The following AGAP1 variants were observed in gnomAD, a reference collection of about 807,000 sequenced individuals.
AGAP1 encodes the protein arf-GAP with GTPase, ANK repeat and PH domain-containing protein 1.
A neutral mutation model predicts 105.3 loss-of-function variants in AGAP1; 29 were observed. The observed-to-expected ratio is 0.28, with a 90% confidence interval of 0.21 to 0.38. The LOEUF (loss-of-function observed/expected upper bound fraction) is 0.38, where lower values mean the gene tolerates loss of function less well. Ranked by LOEUF, AGAP1 falls within the 10% of genes least tolerant of loss-of-function variation. AGAP1 has a pLI of 1.00. For synonymous variants in AGAP1, 509 were observed against 485.9 expected (o/e 1.05, Z -0.63); for missense variants, 998 against 1,165.1 (o/e 0.86, Z 2.09).
At chr2:235,634,412 C>G (rs2149293402) in intron 1 of AGAP1, among the ~76,000 whole-genome samples, 1 of 152,256 alleles carries the variant, frequency 6.6e-6, no homozygotes, top group Middle Eastern at 3.4e-3. Flanking sequence ...CGGAAGGTTC[C>G]CAAGGGCATC....
rs1466378897 is a variant in AGAP1, at chr2:235,927,807, A to G, written c.1325-2958A>G. Among the ~76,000 whole-genome samples the G allele has an allele frequency of 1.3e-5, 2 of 152,194 alleles. No individual in the cohort carries two copies. The highest frequency in any genetic ancestry group is 2.1e-4 in the South Asian group (1 of 4,826). ...GAAGGAGCAAGAGAAGCGGTGCTCT[A>G]TTGAGTGCCATGTTGTCATCGTTGT... On this transcript the variant is annotated intron_variant, in intron 11 of 17. Transcript: ENST00000304032. The surrounding 1 kb of genome is among the most constrained non-coding windows in gnomAD (Gnocchi z 4.4).
At position 235,872,550 on chromosome 2, in the gene AGAP1, GGCCTCT is replaced by G. The variant is rs1182315947; in HGVS notation, c.1051-10793_1051-10788del. ...CTGAGCATCTCAGGCAGAGCCTTCC[GGCCTCT>G]GTCATCTTCTGGCCAGTAGGATCAC... On this transcript the variant is annotated intron_variant, in intron 9 of 17. Transcript: ENST00000304032. This position sits in a 1 kb window ranked among gnomAD's most constrained non-coding sequence, Gnocchi z 4.5. Among the ~76,000 whole-genome samples, 1 of 152,136 alleles carries G rather than the reference GGCCTCT, an allele frequency of 6.6e-6. No individual in the cohort carries two copies. Among genetic ancestry groups the G allele is most frequent in the Admixed American group, 6.5e-5 (1 of 15,272 alleles).
chr2:235,498,779 C>A (rs1421566862), intron 1 of AGAP1, among the ~76,000 whole-genome samples: 1 of 152,162 alleles, frequency 6.6e-6, no homozygotes, highest in Non-Finnish European at 1.5e-5. Flanking sequence ...AGGTTGAGCC[C>A]TCATCCAGCC....
chr2:235,862,343 C>T (rs866637839), intron 9 of AGAP1, among the ~76,000 whole-genome samples: 3 of 152,268 alleles, frequency 2.0e-5, no homozygotes, highest in Middle Eastern at 3.4e-3. Context: ...TCCTTGTCAT[C>T]GTCATCAAAG....
At chr2:235,503,725 G>T (rs1480037763) in intron 1 of AGAP1, among the ~76,000 whole-genome samples, 1 of 152,160 alleles carries the variant, frequency 6.6e-6, no homozygotes, top group African/African-American at 2.4e-5. Flanking sequence ...CCCCCGCCAA[G>T]TAGCTGGGAC....
chr2:235,982,399 G>A lies in AGAP1; in HGVS notation c.1645+13776G>A, dbSNP rs62189401. On this transcript the variant is annotated intron_variant, in intron 13 of 17. Coordinates refer to ENST00000304032, the MANE Select transcript of AGAP1 (RefSeq NM_001037131.3). The surrounding 1 kb of genome is among the most constrained non-coding windows in gnomAD (Gnocchi z 4.9). ...AAAATATTACTTTATTCTGCACACC[G>A]TGGGGACATCAGCTGGGAGGGTCAT... is the stretch of plus-strand genomic sequence containing the variant. 4.6e-5 allele frequency among the ~76,000 whole-genome samples: 7 copies of A among 152,142 alleles called. No homozygotes were observed. Among genetic ancestry groups the A allele is most frequent in the Non-Finnish European group, 8.8e-5 (6 of 68,024 alleles).
chr2:236,069,885 A>G (rs1399995875), intron 16 of AGAP1, among the ~76,000 whole-genome samples: 1 of 152,246 alleles, frequency 6.6e-6, no homozygotes, highest in Non-Finnish European at 1.5e-5. Context: ...ATTTTCTGCC[A>G]TTTTAAAAAT....
chr2:236,085,240 A>ATT (rs1436013271), intron 16 of AGAP1, among the ~76,000 whole-genome samples: 63 of 149,576 alleles, frequency 4.2e-4, no homozygotes, highest in South Asian at 3.8e-3. Flanking sequence ...AAAAAAAAAA[A>ATT]TTTTTATTTA....
Position 235,793,939 on chromosome 2 carries a change from G to A in AGAP1, c.674-3820G>A, listed in dbSNP as rs1261699228. Among the ~76,000 whole-genome samples, 2 of 152,060 alleles carry A rather than the reference G, an allele frequency of 1.3e-5. No homozygotes were observed. The highest frequency in any genetic ancestry group is 1.3e-4 in the Admixed American group (2 of 15,274). On this transcript the variant is annotated intron_variant, in intron 6 of 17. Transcript: ENST00000304032. The surrounding 1 kb of genome is among the most constrained non-coding windows in gnomAD (Gnocchi z 5.3). ...ATGTATACCTCACTTTTTTTGTTAA[G>A]TTCTTAAACTTTTTTTTTATTATTG... is the stretch of plus-strand genomic sequence containing the variant.
chr2:235,615,501 C>T lies in AGAP1; in HGVS notation c.164-93678C>T, dbSNP rs923787111. Among the ~76,000 whole-genome samples, 5 of 152,206 alleles carry T rather than the reference C, an allele frequency of 3.3e-5. No homozygotes were observed. Among genetic ancestry groups the T allele is most frequent in the South Asian group, 2.1e-4 (1 of 4,816 alleles). Reference sequence around the variant, plus strand: ...TTATTAAATCTTGCCTAAATTTATCCGTAAGCATGGATCAAATGCACATTT... The same window carrying T: ...TTATTAAATCTTGCCTAAATTTATCTGTAAGCATGGATCAAATGCACATTT... On this transcript the variant is annotated intron_variant, in intron 1 of 17. Coordinates refer to ENST00000304032, the MANE Select transcript of AGAP1 (RefSeq NM_001037131.3). The surrounding 1 kb of genome is among the most constrained non-coding windows in gnomAD (Gnocchi z 5.0).
In AGAP1 at chr2:235,888,930, C is replaced by T. The variant is rs1460703870; in HGVS notation, c.1155+5481C>T. 6.6e-6 allele frequency among the ~76,000 whole-genome samples: 1 copy of T among 152,146 alleles called. No individual in the cohort carries two copies. The highest frequency in any genetic ancestry group is 1.5e-5 in the Non-Finnish European group (1 of 68,026). Reference sequence around the variant, plus strand: ...AAGCAGGAGACTGACCATTTCCTAACCTTGCCAAAAACTCTGGGTGAGGGT... The same window carrying T: ...AAGCAGGAGACTGACCATTTCCTAATCTTGCCAAAAACTCTGGGTGAGGGT... On this transcript the variant is annotated intron_variant, in intron 10 of 17. Transcript: ENST00000304032. The surrounding 1 kb of genome is among the most constrained non-coding windows in gnomAD (Gnocchi z 4.8).
At chr2:235,693,780 G>C (rs1056573483) in intron 1 of AGAP1, among the ~76,000 whole-genome samples, 3 of 152,196 alleles carry the variant, frequency 2.0e-5, no homozygotes, top group African/African-American at 4.8e-5. Context: ...GAATAGATTT[G>C]AATTAGCTTT....
chr2:235,559,274 C>T lies in AGAP1; in HGVS notation c.163+64425C>T, dbSNP rs749879526. Reference sequence around the variant, plus strand: ...TGCCAGCTTAGTCTTTATAAAAATACGATGAAGGGGTGATTTGGGTGTCCC... The same window carrying T: ...TGCCAGCTTAGTCTTTATAAAAATATGATGAAGGGGTGATTTGGGTGTCCC... On this transcript the variant is annotated intron_variant, in intron 1 of 17. Coordinates refer to ENST00000304032, the MANE Select transcript of AGAP1 (RefSeq NM_001037131.3). This position sits in a 1 kb window ranked among gnomAD's most constrained non-coding sequence, Gnocchi z 5.7. Among the ~76,000 whole-genome samples the T allele has an allele frequency of 2.0e-5, 3 of 152,158 alleles. No individual in the cohort carries two copies. Among genetic ancestry groups the T allele is most frequent in the African/African-American group, 7.2e-5 (3 of 41,502 alleles).
rs1301307826 is a variant in AGAP1, at chr2:235,930,931, G to A, written c.1483+8G>A. 6.2e-7 allele frequency: 1 copy of A among 1,612,884 alleles called. No individual in the cohort carries two copies. Among genetic ancestry groups the A allele is most frequent in the South Asian group, 1.1e-5 (1 of 90,942 alleles). ...ACTCGGCCATCAGCAGTGGTAAGAG[G>A]GGGCTCAGCCCCACGGACCCGCAGC... On this transcript the variant is annotated splice_region_variant and intron_variant, in intron 12 of 17. Transcript: ENST00000304032. This position sits in a 1 kb window ranked among gnomAD's most constrained non-coding sequence, Gnocchi z 7.9.
chr2:235,776,837 CT>C, intron 6 of AGAP1: 2 of 464,944 alleles, frequency 4.3e-6, no homozygotes, highest in South Asian at 3.1e-5. Context: ...TCGGCACCAA[CT>C]CGGAGCCCCT....
At position 235,645,898 on chromosome 2, in the gene AGAP1, C is replaced by A. The variant is rs192703903; in HGVS notation, c.164-63281C>A. On this transcript the variant is annotated intron_variant, in intron 1 of 17. Coordinates refer to ENST00000304032, the MANE Select transcript of AGAP1 (RefSeq NM_001037131.3). ...TAGCTTGAGATAAGGACTTCAGAAT[C>A]TAACAATTCTTTGCTCCATTGCTAC... Among the ~76,000 whole-genome samples the A allele has an allele frequency of 1.4e-3, 212 of 152,302 alleles. 1 individual carries two copies. Among genetic ancestry groups the A allele is most frequent in the African/African-American group, 4.7e-3 (197 of 41,542 alleles).
intron 1 of AGAP1, among the ~76,000 whole-genome samples, chr2:235,500,104 T>C (rs907026948): frequency 1.3e-5 from 2 of 151,836 alleles, no homozygotes; most frequent in African/African-American, 4.8e-5. Context: ...TTACTGTAGG[T>C]AGGGGAAGCA....
chr2:235,904,159 A>G lies in AGAP1; in HGVS notation c.1156-4579A>G, dbSNP rs578208977. Among the ~76,000 whole-genome samples the G allele has an allele frequency of 5.0e-4, 76 of 152,324 alleles. No individual in the cohort carries two copies. Among genetic ancestry groups the G allele is most frequent in the African/African-American group, 1.8e-3 (73 of 41,578 alleles). ...AGCTCTTAATTGCTTGACTATGTGA[A>G]AAGAAATCACATTAATGCAGCTAAT... On this transcript the variant is annotated intron_variant, in intron 10 of 17. Coordinates refer to ENST00000304032, the MANE Select transcript of AGAP1 (RefSeq NM_001037131.3). The surrounding 1 kb of genome is among the most constrained non-coding windows in gnomAD (Gnocchi z 4.2).
rs185089663 is a variant in AGAP1, at chr2:235,556,119, A to G, written c.163+61270A>G. On this transcript the variant is annotated intron_variant, in intron 1 of 17. Coordinates refer to ENST00000304032, the MANE Select transcript of AGAP1 (RefSeq NM_001037131.3). The surrounding 1 kb of genome is among the most constrained non-coding windows in gnomAD (Gnocchi z 5.3). ...CAGAAGGATGGACGGGGGCACTGAG[A>G]CCTGAAGAAGGGTTGTGCATGTGGG... Among the ~76,000 whole-genome samples, 317 of 152,266 alleles carry G rather than the reference A, an allele frequency of 2.1e-3. 1 individual carries two copies. The highest frequency in any genetic ancestry group is 3.9e-3 in the Non-Finnish European group (266 of 68,010).
Sources: allele counts gnomAD v4.1 joint callset (sites outside exome capture counted in the v4.1 genomes callset), GRCh38; gene constraint gnomAD v4.1.1; non-coding constraint Gnocchi (gnomAD v3.1); transcripts MANE v1.5; gene names NCBI Gene and HGNC (gene_info 2026-07-23, HGNC 2026-07-21).